IQCH: variants seen among roughly 807,000 people sequenced by gnomAD.
The protein encoded by IQCH is IQ motif containing H.
IQCH carries 98 observed loss-of-function variants against 117.0 expected under a neutral mutation model. The ratio of observed to expected loss-of-function variants is 0.84; its 90% CI spans 0.71 to 0.99. IQCH has a LOEUF of 0.99. Among genes scored for constraint, IQCH ranks in the 50% least tolerant of loss-of-function variants. The pLI is 0.00. For synonymous variants in IQCH, 412 were observed against 448.2 expected (o/e 0.92, Z 1.02); for missense variants, 1,102 against 1,243.8 (o/e 0.89, Z 1.72).
chr15:67,341,644 A>T (rs1056664971), intron 5 of IQCH, among the ~76,000 whole-genome samples: 2 of 152,138 alleles, frequency 1.3e-5, no homozygotes, highest in African/African-American at 2.4e-5. Flanking sequence ...ATGTTAAAGG[A>T]TGATTTTTTT....
chr15:67,413,099 G>A lies in IQCH; in HGVS notation c.2098-3832G>A, dbSNP rs561578605. Among the ~76,000 whole-genome samples, 45 of 151,752 alleles carry A rather than the reference G, an allele frequency of 3.0e-4. No individual in the cohort carries two copies. The East Asian group carries it at 7.9e-3, about 27-fold the overall frequency. On this transcript the variant is annotated intron_variant, in intron 14 of 20. Transcript: ENST00000335894. The surrounding 1 kb of genome is among the most constrained non-coding windows in gnomAD (Gnocchi z 5.0). ...TGTGTGTGTGTGTGTGTGTGTGTGT[G>A]TCTGTGTGTACATAAGTTTGTTTTG...
At chr15:67,295,881 A>G (rs1311044762) in intron 4 of IQCH, among the ~76,000 whole-genome samples, 2 of 152,092 alleles carry the variant, frequency 1.3e-5, no homozygotes, top group African/African-American at 2.4e-5. Context: ...CTCCTCAGTC[A>G]TTTAGAGATC....
chr15:67,464,068 A>G (rs946018700), intron 16 of IQCH, among the ~76,000 whole-genome samples: 1 of 152,082 alleles, frequency 6.6e-6, no homozygotes, highest in African/African-American at 2.4e-5. Context: ...GTCTCAGGTG[A>G]TCCTCCCACC....
At chr15:67,410,176 A>G (rs901295533) in intron 14 of IQCH, among the ~76,000 whole-genome samples, 1 of 152,232 alleles carries the variant, frequency 6.6e-6, no homozygotes, top group African/African-American at 2.4e-5. Flanking sequence ...TGATTCCCCC[A>G]TTTGCATCAG....
At chr15:67,373,298 A>G in intron 9 of IQCH, 69 bp from the exon 10 acceptor site, 1 of 992,214 alleles carries the variant, frequency 1.0e-6, no homozygotes, top group Non-Finnish European at 1.6e-6. Flanking sequence ...GTGGAAAAAC[A>G]GCTGAAGTTT....
chr15:67,457,708 C>G lies in IQCH; in HGVS notation c.2506-7419C>G, dbSNP rs1275526465. 6.6e-6 allele frequency among the ~76,000 whole-genome samples: 1 copy of G among 152,170 alleles called. No homozygotes were observed. Among genetic ancestry groups the G allele is most frequent in the Non-Finnish European group, 1.5e-5 (1 of 68,032 alleles). ...CTATATTAATAGACAAGGAAATAGG[C>G]CCAGAGAGGGGAAAGAAGTTGCTTA... On this transcript the variant is annotated intron_variant, in intron 16 of 20. Transcript: ENST00000335894. The surrounding 1 kb of genome is among the most constrained non-coding windows in gnomAD (Gnocchi z 5.7).
Position 67,390,063 on chromosome 15 carries a change from G to T in IQCH, c.1632+1057G>T, listed in dbSNP as rs923287789. ...CTCAGTATTCCCCTAAAAACCCTCT[G>T]CTCAGTTTTGTTTCATTGGCACTTC... On this transcript the variant is annotated intron_variant, in intron 12 of 20. Coordinates refer to ENST00000335894, the MANE Select transcript of IQCH (RefSeq NM_001031715.3). This position sits in a 1 kb window ranked among gnomAD's most constrained non-coding sequence, Gnocchi z 5.0. Among the ~76,000 whole-genome samples the T allele has an allele frequency of 6.6e-6, 1 of 152,130 alleles. No homozygotes were observed. The highest frequency in any genetic ancestry group is 2.4e-5 in the African/African-American group (1 of 41,444).
intron 8 of IQCH, among the ~76,000 whole-genome samples, chr15:67,371,234 T>G (rs1411549392): frequency 6.6e-6 from 1 of 152,160 alleles, no homozygotes; most frequent in African/African-American, 2.4e-5. Flanking sequence ...GCAGAGTGTC[T>G]GTTTTCAGTA....
At chr15:67,477,044 C>CT (rs71455553) in intron 18 of IQCH, among the ~76,000 whole-genome samples, 838 of 71,000 alleles carry the variant, frequency 0.012, 17 homozygotes, top group African/African-American at 0.019. Context: ...TCTTTTTCTT[C>CT]TTTTTTTTTT....
At chr15:67,380,676 G>A (rs995512476) in intron 10 of IQCH, among the ~76,000 whole-genome samples, 19 of 152,162 alleles carry the variant, frequency 1.2e-4, no homozygotes, top group African/African-American at 4.6e-4. Flanking sequence ...AGCAATTCCA[G>A]ATTATCTCTG....
chr15:67,483,948 T>C (rs902926504), intron 18 of IQCH, among the ~76,000 whole-genome samples: 1 of 152,230 alleles, frequency 6.6e-6, no homozygotes, highest in Non-Finnish European at 1.5e-5. Flanking sequence ...TAGGAGTTCA[T>C]GTCCTGCTAA....
intron 16 of IQCH, among the ~76,000 whole-genome samples, chr15:67,450,394 C>T (rs971383275): frequency 1.3e-5 from 2 of 152,094 alleles, no homozygotes; most frequent in African/African-American, 4.8e-5. Flanking sequence ...TGAGATACGA[C>T]CCATCAATAC....
Position 67,436,460 on chromosome 15 carries a change from G to A in IQCH, c.2505+14883G>A, listed in dbSNP as rs979847420. ...CAGCCCATTTCTGCCTGGCACCACA[G>A]GGATCCATCAGGACGGTGGCCAGAG... On this transcript the variant is annotated intron_variant, in intron 16 of 20. Transcript: ENST00000335894. This position sits in a 1 kb window ranked among gnomAD's most constrained non-coding sequence, Gnocchi z 5.1. 1.3e-5 allele frequency among the ~76,000 whole-genome samples: 2 copies of A among 152,202 alleles called. No homozygotes were observed. The highest frequency in any genetic ancestry group is 2.9e-5 in the Non-Finnish European group (2 of 68,040).
At chr15:67,275,542 A>C (rs924426814) in intron 3 of IQCH, among the ~76,000 whole-genome samples, 14 of 152,156 alleles carry the variant, frequency 9.2e-5, no homozygotes, top group African/African-American at 3.1e-4. Context: ...GACAGCATGA[A>C]GTTCTTAAAA....
intron 20 of IQCH, among the ~76,000 whole-genome samples, chr15:67,498,819 G>T (rs1195584595): frequency 6.6e-6 from 1 of 151,970 alleles, no homozygotes; most frequent in Non-Finnish European, 1.5e-5. Context: ...GTGCATCAAA[G>T]AACACTATCA....
rs539681278 is a variant in IQCH, at chr15:67,369,700, C to T, written c.754-2411C>T. On this transcript the variant is annotated intron_variant, in intron 8 of 20. Transcript: ENST00000335894. This position sits in a 1 kb window ranked among gnomAD's most constrained non-coding sequence, Gnocchi z 5.2. Reference sequence around the variant, plus strand: ...GCCAGAACCTGAAGCATGGCATGACCTTTAATCAGGGCTCTTATTCCTAGC... The same window carrying T: ...GCCAGAACCTGAAGCATGGCATGACTTTTAATCAGGGCTCTTATTCCTAGC... 2.0e-5 allele frequency among the ~76,000 whole-genome samples: 3 copies of T among 152,292 alleles called. No homozygotes were observed. The highest frequency in any genetic ancestry group is 2.0e-4 in the Admixed American group (3 of 15,292).
rs1170253666 is a variant in IQCH at position 67,456,762 on chromosome 15, T to A, written c.2506-8365T>A. On this transcript the variant is annotated intron_variant, in intron 16 of 20. Coordinates refer to ENST00000335894, the MANE Select transcript of IQCH (RefSeq NM_001031715.3). The surrounding 1 kb of genome is among the most constrained non-coding windows in gnomAD (Gnocchi z 5.1). Reference sequence around the variant, plus strand: ...TATGGATTTTGGATTTTTTTCAGAATCCAAAAGTTTTGAAGGCCTTTGAAA... The same window carrying A: ...TATGGATTTTGGATTTTTTTCAGAAACCAAAAGTTTTGAAGGCCTTTGAAA... Among the ~76,000 whole-genome samples the A allele has an allele frequency of 1.3e-5, 2 of 152,086 alleles. No homozygotes were observed. The highest frequency in any genetic ancestry group is 2.9e-5 in the Non-Finnish European group (2 of 68,012).
chr15:67,426,608 AAAAAAT>A lies in IQCH; in HGVS notation c.2505+5050_2505+5055del, dbSNP rs138178743. Among the ~76,000 whole-genome samples, 19,193 of 151,662 alleles carry A rather than the reference AAAAAAT, an allele frequency of 0.13. 1,289 individuals carry two copies. The highest frequency in any genetic ancestry group is 0.2 in the East Asian group (1,008 of 5,136). On this transcript the variant is annotated intron_variant, in intron 16 of 20. Coordinates refer to ENST00000335894, the MANE Select transcript of IQCH (RefSeq NM_001031715.3). This position sits in a 1 kb window ranked among gnomAD's most constrained non-coding sequence, Gnocchi z 5.1. The stretch of plus-strand genomic sequence containing the variant: ...TCATTATTTAAACTTACAAACTAAA[AAAAAAT>A]AAAAATAAAAATAAAAATGAAAAGC...
chr15:67,306,141 T>C (rs1263356806), intron 4 of IQCH, among the ~76,000 whole-genome samples: 4 of 152,102 alleles, frequency 2.6e-5, no homozygotes, highest in Non-Finnish European at 4.4e-5. Context: ...TATAGTTGTA[T>C]GGTAATACTA....
Sources: gnomAD v4.1 joint callset for allele counts (sites outside exome capture counted in the v4.1 genomes callset) on GRCh38, gnomAD v4.1.1 for gene constraint, Gnocchi (gnomAD v3.1) non-coding constraint, MANE v1.5 for transcripts, NCBI Gene and HGNC (gene_info 2026-07-23, HGNC 2026-07-21) for gene names.